The following RBMS3 variants were observed in gnomAD, a reference collection of about 807,000 sequenced individuals.
RBMS3 encodes RNA-binding motif, single-stranded-interacting protein 3.
Under a neutral mutation model 66.8 loss-of-function variants are expected in RBMS3, and 27 were observed. The observed-to-expected ratio is 0.40, with a 90% CI of 0.30 to 0.56. RBMS3 has a LOEUF of 0.56. RBMS3 is among the 20% of genes least tolerant of loss of function. The pLI, the probability that RBMS3 is intolerant of heterozygous loss-of-function variation, is 0.40. For missense variants in RBMS3, 513 were observed against 549.5 expected, an observed-to-expected ratio of 0.93 and a Z score of 0.66; for synonymous variants, 188 against 183.0, an observed-to-expected ratio of 1.03 and a Z score of -0.22.
intron 4 of RBMS3, among the ~76,000 whole-genome samples, chr3:29,695,569 T>G (rs2052231932): frequency 6.6e-6 from 1 of 151,040 alleles, no homozygotes; most frequent in African/African-American, 2.5e-5. Context: ...TTTTTTCCCC[T>G]TTTTTTCTTC....
chr3:29,831,858 C>A (rs1476580592), intron 6 of RBMS3, among the ~76,000 whole-genome samples: 1 of 137,046 alleles, frequency 7.3e-6, no homozygotes, highest in Non-Finnish European at 1.6e-5. Context: ...TGAGGGTAGA[C>A]ATTTACCTTA....
chr3:29,376,745 A>C (rs2038491048), intron 1 of RBMS3, among the ~76,000 whole-genome samples: 1 of 152,166 alleles, frequency 6.6e-6, no homozygotes, highest in Admixed American at 6.5e-5. Context: ...ATCTCTACTA[A>C]AAATACAAAA....
intron 1 of RBMS3, among the ~76,000 whole-genome samples, chr3:29,328,048 T>G (rs2035440020): frequency 6.6e-6 from 1 of 152,192 alleles, no homozygotes; most frequent in African/African-American, 2.4e-5. Context: ...TTTTGCCCAC[T>G]TAGGTGGCAC....
chr3:29,927,617 A>G (rs995974277), intron 10 of RBMS3, among the ~76,000 whole-genome samples: 1 of 152,212 alleles, frequency 6.6e-6, no homozygotes, highest in African/African-American at 2.4e-5. Context: ...TAGAAGACAC[A>G]TATAAACTGC....
chr3:29,685,053 CTTTGTTTTGT>C (rs57632045), intron 4 of RBMS3, among the ~76,000 whole-genome samples: 7 of 150,674 alleles, frequency 4.6e-5, no homozygotes, highest in East Asian at 2.0e-4. Context: ...TTTTGTTTTG[CTTTGTTTTGT>C]TTTGTTTTGT....
At chr3:29,999,132 C>T (rs908325416) in intron 14 of RBMS3, among the ~76,000 whole-genome samples, 7 of 152,160 alleles carry the variant, frequency 4.6e-5, no homozygotes, top group African/African-American at 1.7e-4. Context: ...CAAAAGAAGA[C>T]ATTTATGCAG....
chr3:29,547,067 C>T (rs1351063626), intron 3 of RBMS3, among the ~76,000 whole-genome samples: 4 of 152,096 alleles, frequency 2.6e-5, no homozygotes, highest in Admixed American at 6.6e-5. Context: ...CCCAGAACTC[C>T]TGGGCACAAA....
intron 6 of RBMS3, among the ~76,000 whole-genome samples, chr3:29,812,637 G>A (rs1184993286): frequency 1.3e-5 from 2 of 152,170 alleles, no homozygotes; most frequent in Non-Finnish European, 2.9e-5. Flanking sequence ...TTAAAGCTAG[G>A]TTAGATTCAA....
At chr3:29,559,574 C>T (rs2046478715) in intron 3 of RBMS3, among the ~76,000 whole-genome samples, 2 of 119,848 alleles carry the variant, frequency 1.7e-5, no homozygotes, top group South Asian at 5.9e-4. Flanking sequence ...CATGTTAGTA[C>T]TTTAAAAGTT....
chr3:29,501,908 G>T (rs1207683891), intron 3 of RBMS3, among the ~76,000 whole-genome samples: 1 of 152,030 alleles, frequency 6.6e-6, no homozygotes, highest in African/African-American at 2.4e-5. Flanking sequence ...GTAGTCCTCA[G>T]AAAAATGGTT....
chr3:29,889,379 A>G (rs1278346681), intron 8 of RBMS3, among the ~76,000 whole-genome samples: 2 of 151,724 alleles, frequency 1.3e-5, no homozygotes, highest in Non-Finnish European at 1.5e-5. Context: ...AGAGCTAGTT[A>G]TGCTATTAGT....
At chr3:29,449,297 A>C (rs1180043632) in intron 2 of RBMS3, among the ~76,000 whole-genome samples, 1 of 152,230 alleles carries the variant, frequency 6.6e-6, no homozygotes. Flanking sequence ...CTCTTCAGCA[A>C]AAATGTGTTT....
At chr3:29,444,273 C>T (rs1033784333) in intron 2 of RBMS3, among the ~76,000 whole-genome samples, 1 of 151,932 alleles carries the variant, frequency 6.6e-6, no homozygotes, top group Non-Finnish European at 1.5e-5. Context: ...CATGCCAATT[C>T]CCATTTTATA....
intron 2 of RBMS3, among the ~76,000 whole-genome samples, chr3:29,446,300 AT>A (rs1488960403): frequency 2.0e-5 from 3 of 148,790 alleles, no homozygotes; most frequent in Non-Finnish European, 3.0e-5. Flanking sequence ...AATCAAAAAC[AT>A]TTATTGTAAT....
chr3:29,305,540 T>A lies in RBMS3; in HGVS notation c.75+23784T>A, dbSNP rs971187218. ...GCCAAATTGTATGCCAGGGTAGTAATCCCTTTGTCTCTGACAACAAAAATG... is the reference window on the plus strand; with the variant it reads ...GCCAAATTGTATGCCAGGGTAGTAAACCCTTTGTCTCTGACAACAAAAATG... On this transcript the variant is annotated intron_variant, in intron 1 of 14. Coordinates refer to ENST00000383767, the MANE Select transcript of RBMS3 (RefSeq NM_001003793.3). Among the ~76,000 whole-genome samples the A allele has an allele frequency of 1.6e-4, 25 of 151,922 alleles. 1 individual carries two copies. Among genetic ancestry groups the A allele is most frequent in the Non-Finnish European group, 4.4e-5 (3 of 67,918 alleles).
chr3:29,679,995 G>A (rs768255719), intron 4 of RBMS3, among the ~76,000 whole-genome samples: 5 of 152,154 alleles, frequency 3.3e-5, no homozygotes, highest in Admixed American at 6.6e-5. Flanking sequence ...GATGGCCACC[G>A]CTGATAAAAT....
At chr3:29,300,068 A>G (rs1293292285) in intron 1 of RBMS3, among the ~76,000 whole-genome samples, 2 of 151,950 alleles carry the variant, frequency 1.3e-5, no homozygotes, top group Non-Finnish European at 2.9e-5. Context: ...ACTCAAAAAT[A>G]TATGTCACTA....
chr3:29,446,240 G>A (rs1259830905), intron 2 of RBMS3, among the ~76,000 whole-genome samples: 3 of 152,016 alleles, frequency 2.0e-5, no homozygotes, highest in Non-Finnish European at 4.4e-5. Context: ...AATAGTTCCA[G>A]GTACATGTTA....
intron 4 of RBMS3, among the ~76,000 whole-genome samples, chr3:29,688,564 ATTTTTTTTTTTTTTTTTTTT>A (rs55943638): frequency 3.3e-4 from 22 of 67,130 alleles, no homozygotes; most frequent in East Asian, 9.6e-4. Flanking sequence ...AAGTTACAGG[ATTTTTTTTTTTTTTTTTTTT>A]TTTTTTTTTT....
Sources: allele counts gnomAD v4.1 joint callset (sites outside exome capture counted in the v4.1 genomes callset), GRCh38; gene constraint gnomAD v4.1.1; transcripts MANE v1.5; gene names NCBI Gene and HGNC (gene_info 2026-07-23, HGNC 2026-07-21).